The following MYRIP variants were observed in gnomAD, a reference collection of about 807,000 sequenced individuals.
MYRIP encodes the protein rab effector MyRIP.
In MYRIP, 49 loss-of-function variants were observed where a neutral mutation model predicts 98.0. The observed-to-expected ratio is 0.50, with a 90% CI of 0.40 to 0.63. The LOEUF (loss-of-function observed/expected upper bound fraction) is 0.63, where lower values mean the gene tolerates loss of function less well. MYRIP is among the 30% of genes least tolerant of loss of function. MYRIP has a pLI of 0.00. For missense variants in MYRIP, 1,004 were observed against 1,058.2 expected, an observed-to-expected ratio of 0.95 and a Z score of 0.71; for synonymous variants, 404 against 409.5, an observed-to-expected ratio of 0.99 and a Z score of 0.16.
rs9837883 is a variant in MYRIP at position 40,182,181 on chromosome 3, C to G, written c.874-39C>G. On this transcript the variant is annotated intron_variant, in intron 8 of 16. Coordinates refer to ENST00000302541, the MANE Select transcript of MYRIP (RefSeq NM_015460.4). ...GAAGGCACACCTCCCAGGCACTGTA[C>G]CTTATGAGCTCACCCCTTCCCCTCT... is the stretch of plus-strand genomic sequence containing the variant. 21,026 of 1,563,972 alleles carry G rather than the reference C, an allele frequency of 0.013. 2,275 individuals are homozygous for G. In the African/African-American group the frequency reaches 0.24, roughly 18 times the overall value.
At chr3:40,030,237 A>C (rs961265294) in intron 2 of MYRIP, among the ~76,000 whole-genome samples, 38 of 152,246 alleles carry the variant, frequency 2.5e-4, no homozygotes, top group African/African-American at 8.9e-4. Context: ...AAACACATGA[A>C]AAGATGTTCA....
intron 3 of MYRIP, among the ~76,000 whole-genome samples, chr3:40,069,256 C>G (rs949964237): frequency 6.6e-6 from 1 of 152,140 alleles, no homozygotes. Context: ...AAGCTACGCA[C>G]CACCACCTAC....
chr3:39,815,411 GTGTA>G (rs1553635891), intron 1 of MYRIP, among the ~76,000 whole-genome samples: 3 of 151,948 alleles, frequency 2.0e-5, no homozygotes, highest in African/African-American at 7.3e-5. Context: ...GTGTGTGTGT[GTGTA>G]TGTATGTATA....
intron 2 of MYRIP, among the ~76,000 whole-genome samples, chr3:39,980,010 T>A (rs1398603703): frequency 2.0e-5 from 3 of 152,092 alleles, no homozygotes; most frequent in African/African-American, 7.2e-5. Context: ...GAGGCAGAAA[T>A]TAGTCAAAGA....
chr3:39,908,494 A>G (rs1943939531), intron 2 of MYRIP, among the ~76,000 whole-genome samples: 1 of 152,150 alleles, frequency 6.6e-6, no homozygotes, highest in Admixed American at 6.5e-5. Flanking sequence ...GGTTTGTTGG[A>G]GACCCACTAT....
rs578003869 is a variant in MYRIP at position 39,889,428 on chromosome 3, A to T, written c.-30-11359A>T. On this transcript the variant is annotated intron_variant, in intron 1 of 16. Transcript: ENST00000302541. ...ATCATTCTCAGTAAACTATGGCAAGAACAAAAAACCAAAGACCACATATTC... is the reference window on the plus strand; with the variant it reads ...ATCATTCTCAGTAAACTATGGCAAGTACAAAAAACCAAAGACCACATATTC... Among the ~76,000 whole-genome samples the T allele has an allele frequency of 3.3e-5, 5 of 152,288 alleles. No homozygotes were observed. The South Asian group carries it at 1.0e-3, about 32-fold the overall frequency.
intron 2 of MYRIP, among the ~76,000 whole-genome samples, chr3:39,921,563 C>A (rs1030202503): frequency 1.3e-5 from 2 of 152,028 alleles, no homozygotes; most frequent in African/African-American, 4.8e-5. Flanking sequence ...GAAGTTATAC[C>A]CCAACTCCAG....
chr3:40,202,356 G>T (rs1288951838), intron 10 of MYRIP, among the ~76,000 whole-genome samples: 1 of 152,076 alleles, frequency 6.6e-6, no homozygotes, highest in Non-Finnish European at 1.5e-5. Context: ...GACTGGGGTT[G>T]CTTTTATAAG....
intron 2 of MYRIP, among the ~76,000 whole-genome samples, chr3:39,959,919 C>T (rs1232113081): frequency 2.0e-5 from 3 of 152,104 alleles, no homozygotes; most frequent in Non-Finnish European, 4.4e-5. Flanking sequence ...TAGTGCCCCC[C>T]ATGTGAGCAG....
chr3:40,072,855 A>G (rs1489639960), intron 3 of MYRIP, among the ~76,000 whole-genome samples: 7 of 152,154 alleles, frequency 4.6e-5, no homozygotes, highest in Non-Finnish European at 7.3e-5. Context: ...TATATTGTGC[A>G]GTTGTTGGAT....
intron 3 of MYRIP, among the ~76,000 whole-genome samples, chr3:40,071,967 C>T (rs771412017): frequency 2.0e-5 from 3 of 152,130 alleles, no homozygotes; most frequent in Non-Finnish European, 4.4e-5. Context: ...GGGCCAGACT[C>T]TCTGCTAGAC....
At chr3:39,903,581 T>C (rs767571441) in intron 2 of MYRIP, among the ~76,000 whole-genome samples, 1 of 152,112 alleles carries the variant, frequency 6.6e-6, no homozygotes, top group Non-Finnish European at 1.5e-5. Context: ...CATGGTAATG[T>C]AAAGAGGGAT....
In MYRIP at chr3:40,203,437, G is replaced by C. The variant is rs150288073; in HGVS notation, c.1666-6417G>C. Reference sequence around the variant, plus strand: ...CATGGCAGCACCCAGCTGTGGGGCTGAGGCCCAGGTAATCCAGAACATACC... The same window carrying C: ...CATGGCAGCACCCAGCTGTGGGGCTCAGGCCCAGGTAATCCAGAACATACC... On this transcript the variant is annotated intron_variant, in intron 10 of 16. Coordinates refer to ENST00000302541, the MANE Select transcript of MYRIP (RefSeq NM_015460.4). Among the ~76,000 whole-genome samples the C allele has an allele frequency of 1.4e-3, 213 of 151,922 alleles. 3 individuals are homozygous for C. The highest frequency in any genetic ancestry group is 4.9e-3 in the African/African-American group (204 of 41,448).
chr3:40,156,314 A>G (rs916421746), intron 4 of MYRIP, among the ~76,000 whole-genome samples: 16 of 151,990 alleles, frequency 1.1e-4, no homozygotes, highest in African/African-American at 3.4e-4. Context: ...GATATGCGGC[A>G]TTATTTCTGA....
intron 2 of MYRIP, among the ~76,000 whole-genome samples, chr3:39,978,931 T>C (rs1049416860): frequency 6.6e-6 from 1 of 152,140 alleles, no homozygotes. Context: ...TGATGCAAGA[T>C]TTTCTTATTA....
chr3:40,112,447 ATT>A (rs1331702258), intron 3 of MYRIP, among the ~76,000 whole-genome samples: 5 of 152,196 alleles, frequency 3.3e-5, no homozygotes, highest in African/African-American at 1.2e-4. Context: ...CAATCAGCAA[ATT>A]CTAATTTCTA....
intron 10 of MYRIP, among the ~76,000 whole-genome samples, chr3:40,201,974 G>C (rs1051215544): frequency 6.6e-6 from 1 of 152,124 alleles, no homozygotes; most frequent in Admixed American, 6.5e-5. Context: ...TCATCCACTT[G>C]CCTCCACCCT....
intron 3 of MYRIP, among the ~76,000 whole-genome samples, chr3:40,074,540 C>T (rs145009183): frequency 1.1e-3 from 168 of 151,880 alleles, no homozygotes; most frequent in Admixed American, 2.0e-3. Flanking sequence ...AAAAGAAGAA[C>T]GAAAAGTGAA....
At chr3:39,956,288 C>G (rs1460753017) in intron 2 of MYRIP, among the ~76,000 whole-genome samples, 1 of 152,144 alleles carries the variant, frequency 6.6e-6, no homozygotes, top group East Asian at 1.9e-4. Context: ...GTAAAGCACT[C>G]CTCAGCAAAT....
Sources: gnomAD v4.1 joint callset for allele counts (sites outside exome capture counted in the v4.1 genomes callset) on GRCh38, gnomAD v4.1.1 for gene constraint, MANE v1.5 for transcripts, NCBI Gene and HGNC (gene_info 2026-07-23, HGNC 2026-07-21) for gene names.